The following VPS13C variants were observed in gnomAD, a reference collection of about 807,000 sequenced individuals.
VPS13C encodes the protein intermembrane lipid transfer protein VPS13C.
Under a neutral mutation model 456.8 loss-of-function variants are expected in VPS13C, and 358 were observed. That is an observed-to-expected ratio of 0.78 (90% CI 0.72 to 0.86). The LOEUF (loss-of-function observed/expected upper bound fraction) is 0.86. Ranked by LOEUF, VPS13C falls within the 40% of genes least tolerant of loss-of-function variation. VPS13C has a pLI of 0.00. For missense variants in VPS13C, 4,818 were observed against 4,385.4 expected, an observed-to-expected ratio of 1.10 and a Z score of -2.79; for synonymous variants, 1,578 against 1,486.7, an observed-to-expected ratio of 1.06 and a Z score of -1.41.
intron 42 of VPS13C, among the ~76,000 whole-genome samples, chr15:61,949,129 C>G (rs1428278423): frequency 6.6e-6 from 1 of 152,110 alleles, no homozygotes; most frequent in East Asian, 1.9e-4. Context: ...CATAACTGAA[C>G]TTTTTCCTTT....
Position 61,925,472 on chromosome 15 carries a change from T to G in VPS13C, c.6593A>C (p.Lys2198Thr), listed in dbSNP as rs887446756. 10 of 1,578,080 alleles carry G rather than the reference T, an allele frequency of 6.3e-6. No individual in the cohort carries two copies. Among genetic ancestry groups the G allele is most frequent in the Non-Finnish European group, 8.6e-6 (10 of 1,159,608 alleles). ...AGTACTAACCTTAATTATAAATTCT[T>G]TAACCATAATATTTATATTTTGCTT... is the stretch of plus-strand genomic sequence containing the variant. The part of the protein sequence containing the change: ...SGKQNINIMV[K>T]EFIIKISPII... Residue 2198 changes from lysine to threonine, a missense_variant, in exon 53 of 85, where the codon AAA (lysine) becomes ACA (threonine). Lys to Thr is a moderately conservative substitution (Grantham distance 78). Transcript: ENST00000644861.
At chr15:62,048,616 C>T (rs2140762172) in intron 1 of VPS13C, among the ~76,000 whole-genome samples, 1 of 152,176 alleles carries the variant, frequency 6.6e-6, no homozygotes, top group Non-Finnish European at 1.5e-5. Context: ...TGGGTATATA[C>T]CCAGTAATGG....
intron 55 of VPS13C, among the ~76,000 whole-genome samples, chr15:61,921,255 C>A (rs2043644466): frequency 6.6e-6 from 1 of 151,960 alleles, no homozygotes; most frequent in Non-Finnish European, 1.5e-5. Context: ...TCATCTTTAA[C>A]AAAAGAATAT....
intron 22 of VPS13C, among the ~76,000 whole-genome samples, chr15:61,979,109 C>G (rs980731132): frequency 6.6e-6 from 1 of 152,144 alleles, no homozygotes; most frequent in African/African-American, 2.4e-5. Context: ...CATTAGATAG[C>G]AGCGTTTTGT....
intron 45 of VPS13C, among the ~76,000 whole-genome samples, chr15:61,945,429 A>C (rs2044570167): frequency 6.6e-6 from 1 of 152,364 alleles, no homozygotes; most frequent in East Asian, 1.9e-4. Flanking sequence ...ATATCTCATT[A>C]AACAAGTTAC....
chr15:62,030,073 A>C (rs1835989161), intron 5 of VPS13C, among the ~76,000 whole-genome samples: 2 of 152,226 alleles, frequency 1.3e-5, no homozygotes, highest in South Asian at 4.1e-4. Flanking sequence ...GGGGATCTCC[A>C]AGAGACAACA....
chr15:61,950,230 A>G (rs2044739896), intron 41 of VPS13C, 128 bp downstream of exon 41: 2 of 706,922 alleles, frequency 2.8e-6, no homozygotes, highest in African/African-American at 1.8e-5. Flanking sequence ...CTTTATCCAT[A>G]AATTAGGAAT....
intron 48 of VPS13C, chr15:61,935,582 A>T (rs935318253): frequency 5.3e-5 from 8 of 152,202 alleles, no homozygotes; most frequent in Non-Finnish European, 1.0e-4. Flanking sequence ...TTGCCTGTTA[A>T]TAGTTTATTC....
intron 74 of VPS13C, among the ~76,000 whole-genome samples, chr15:61,877,559 G>A (rs1228507864): frequency 6.6e-6 from 1 of 151,328 alleles, no homozygotes; most frequent in Non-Finnish European, 1.5e-5. Flanking sequence ...CCATGCGTAT[G>A]TTGAATATAA....
intron 35 of VPS13C, among the ~76,000 whole-genome samples, chr15:61,960,233 G>A (rs1199557605): frequency 6.6e-6 from 1 of 152,144 alleles, no homozygotes; most frequent in African/African-American, 2.4e-5. Context: ...ATTGAGAGGT[G>A]AGTGGAACCG....
chr15:61,891,654 T>C (rs1310096400), intron 66 of VPS13C, among the ~76,000 whole-genome samples: 1 of 152,342 alleles, frequency 6.6e-6, no homozygotes, highest in South Asian at 2.1e-4. Context: ...GTTTTATATG[T>C]TGATGCAATA....
intron 3 of VPS13C, among the ~76,000 whole-genome samples, chr15:62,040,827 T>G (rs1404369674): frequency 6.6e-6 from 1 of 152,166 alleles, no homozygotes; most frequent in Non-Finnish European, 1.5e-5. Context: ...AGATATATAT[T>G]TACTTATAGA....
intron 58 of VPS13C, among the ~76,000 whole-genome samples, chr15:61,918,485 A>T (rs2043544276): frequency 1.3e-5 from 2 of 152,014 alleles, no homozygotes; most frequent in African/African-American, 4.8e-5. Flanking sequence ...ATATATTATA[A>T]GCTTATGTTT....
intron 23 of VPS13C, among the ~76,000 whole-genome samples, chr15:61,977,530 A>G (rs1168797045): frequency 6.6e-6 from 1 of 152,002 alleles, no homozygotes; most frequent in Non-Finnish European, 1.5e-5. Context: ...ATTAGTGACT[A>G]AGGTTGATAA....
intron 66 of VPS13C, among the ~76,000 whole-genome samples, chr15:61,897,747 G>T (rs1026848473): frequency 6.6e-6 from 1 of 152,024 alleles, no homozygotes; most frequent in African/African-American, 2.4e-5. Flanking sequence ...AGGAAATACA[G>T]AAAACACCAC....
At position 62,007,383 on chromosome 15, in the gene VPS13C, G is replaced by C; in HGVS notation, c.1215C>G (p.Leu405=). Residue 405 remains leucine, a synonymous_variant, in exon 15 of 85, where the codon CTC becomes CTG. Transcript: ENST00000644861. ...WSNIKKHRQL[L]KSYKIAYKNK... ...TTTTGTAGGCAATTTTATAACTCTT[G>C]AGTAACTGCCTGTGCTTTTTTATGT... 6.2e-7 allele frequency: 1 copy of C among 1,613,036 alleles called. No individual in the cohort carries two copies. Among genetic ancestry groups the C allele is most frequent in the Non-Finnish European group, 8.5e-7 (1 of 1,179,510 alleles).
chr15:61,943,436 C>A (rs900768706), intron 45 of VPS13C, among the ~76,000 whole-genome samples: 1 of 152,056 alleles, frequency 6.6e-6, no homozygotes, highest in African/African-American at 2.4e-5. Context: ...ACCAAGGGAA[C>A]AGAATTGAGA....
intron 5 of VPS13C, 77 bp from the exon 6 acceptor site, chr15:62,028,497 C>T (rs960519281): frequency 7.3e-7 from 1 of 1,375,694 alleles, no homozygotes; most frequent in African/African-American, 1.5e-5. Context: ...TAAAATATAC[C>T]TAAATTTAAT....
At position 61,863,427 on chromosome 15, in the gene VPS13C, T is replaced by C; in HGVS notation, c.10952+13A>G. Reference sequence around the variant, plus strand: ...TAAGTACTATTTGGAAAAATGTCACTTCAAGTCAGTACCTATTTGTAACCA... The same window carrying C: ...TAAGTACTATTTGGAAAAATGTCACCTCAAGTCAGTACCTATTTGTAACCA... On this transcript the variant is annotated intron_variant, in intron 82 of 84. Coordinates refer to ENST00000644861, the MANE Select transcript of VPS13C (RefSeq NM_020821.3). 6.2e-7 allele frequency: 1 copy of C among 1,600,752 alleles called. No individual in the cohort carries two copies. Among genetic ancestry groups the C allele is most frequent in the African/African-American group, 1.3e-5 (1 of 74,504 alleles).
Sources: allele counts gnomAD v4.1 joint callset (sites outside exome capture counted in the v4.1 genomes callset), GRCh38; gene constraint gnomAD v4.1.1; transcripts MANE v1.5; gene names NCBI Gene and HGNC (gene_info 2026-07-23, HGNC 2026-07-21).